FOXN3: variants seen among roughly 807,000 people sequenced by gnomAD.
The protein encoded by FOXN3 is forkhead box protein N3.
FOXN3 carries 7 observed loss-of-function variants against 38.4 expected under a neutral mutation model. The observed-to-expected ratio is 0.18, with a 90% CI of 0.10 to 0.34. The LOEUF (loss-of-function observed/expected upper bound fraction) is 0.34, where lower values mean the gene tolerates loss of function less well. FOXN3 is among the 10% of genes least tolerant of loss of function. The pLI, the probability that FOXN3 is intolerant of heterozygous loss-of-function variation, is 1.00. For synonymous variants in FOXN3, 230 were observed against 242.2 expected, an observed-to-expected ratio of 0.95 and a Z score of 0.47; for missense variants, 456 against 613.4, an observed-to-expected ratio of 0.74 and a Z score of 2.71.
At chr14:89,207,402 T>C (rs138324127) in intron 4 of FOXN3, among the ~76,000 whole-genome samples, 85 of 152,152 alleles carry the variant, frequency 5.6e-4, no homozygotes, top group African/African-American at 2.0e-3. Context: ...ATGGGATAAA[T>C]ACTAAGGAAC....
At chr14:89,401,444 C>G (rs989614982) in intron 2 of FOXN3, 4 of 381,434 alleles carry the variant, frequency 1.0e-5, no homozygotes, top group Non-Finnish European at 2.1e-5. Context: ...ACAACAACAA[C>G]AGTAGGTATT....
intron 4 of FOXN3, among the ~76,000 whole-genome samples, chr14:89,274,191 G>C (rs1471480021): frequency 6.6e-6 from 1 of 152,102 alleles, no homozygotes; most frequent in Non-Finnish European, 1.5e-5. Context: ...AGAGGTAAGG[G>C]GTGCCAGGAC....
rs547616268 is a variant in FOXN3, at chr14:89,159,489, CT to C, written c.*2924del. 7 of 152,758 alleles carry C rather than the reference CT, an allele frequency of 4.6e-5. No homozygotes were observed. The South Asian group carries it at 1.5e-3, about 32-fold the overall frequency. The allele number at this position is 152,758 out of a possible 1,614,324, so 9.5% of individuals were successfully genotyped here. A position where few individuals can be genotyped will look rare whatever the true frequency, so the allele number is the denominator to read the frequency against. On this transcript the variant is annotated 3_prime_UTR_variant, in exon 6 of 6. Transcript: ENST00000557258. ...GTTAAGAACACACTTTTATATTTCT[CT>C]ATTTCTCAAAGAGATCAGAAAAGTA...
chr14:89,373,914 C>T (rs917279129), intron 2 of FOXN3, among the ~76,000 whole-genome samples: 1 of 151,994 alleles, frequency 6.6e-6, no homozygotes, highest in African/African-American at 2.4e-5. Context: ...AGAACACTGA[C>T]AATACAAAGT....
chr14:89,439,287 C>T (rs1892330724), intron 1 of FOXN3, among the ~76,000 whole-genome samples: 1 of 152,188 alleles, frequency 6.6e-6, no homozygotes, highest in African/African-American at 2.4e-5. Flanking sequence ...GAGGCTGAGA[C>T]ATACTGAGCG....
chr14:89,227,889 G>A (rs1220215351), intron 4 of FOXN3, among the ~76,000 whole-genome samples: 5 of 152,104 alleles, frequency 3.3e-5, no homozygotes, highest in Admixed American at 6.5e-5. Flanking sequence ...CACGGAATTC[G>A]GCCAACAACC....
chr14:89,380,514 C>A (rs552912933), intron 2 of FOXN3, among the ~76,000 whole-genome samples: 4 of 152,336 alleles, frequency 2.6e-5, no homozygotes, highest in African/African-American at 9.6e-5. Context: ...ACATTTTGCA[C>A]AACTCAGAAA....
intron 1 of FOXN3, among the ~76,000 whole-genome samples, chr14:89,473,928 TA>T (rs796656315): frequency 1.1e-3 from 162 of 145,332 alleles, no homozygotes; most frequent in African/African-American, 1.4e-3. Flanking sequence ...TCTCCCACGC[TA>T]AAAAAAAAAA....
In FOXN3 at chr14:89,318,140, TTTTC is replaced by T. The variant is rs1342238315; in HGVS notation, c.680+32528_680+32531del. Among the ~76,000 whole-genome samples, 5 of 145,058 alleles carry T rather than the reference TTTTC, an allele frequency of 3.4e-5. No homozygotes were observed. The South Asian group carries it at 8.6e-4, about 25-fold the overall frequency. ...TCTTCCCTCCTTCCCTCCCTTTTTC[TTTTC>T]TTTCTTCTTCTTCTTCTCTTTTTTT... On this transcript the variant is annotated intron_variant, in intron 3 of 5. Coordinates refer to ENST00000557258, the MANE Select transcript of FOXN3 (RefSeq NM_005197.4).
In FOXN3 at chr14:89,162,193, T is replaced by C. The variant is rs539248302; in HGVS notation, c.*221A>G. ...TAAAACAGCTGAGTGTCAATATGAG[T>C]TCTATGGCTTCAATCTCCTTTAAAA... On this transcript the variant is annotated 3_prime_UTR_variant, in exon 6 of 6. Coordinates refer to ENST00000557258, the MANE Select transcript of FOXN3 (RefSeq NM_005197.4). The surrounding 1 kb of genome is among the most constrained non-coding windows in gnomAD (Gnocchi z 7.2). The C allele has an allele frequency of 7.1e-6, 3 of 422,102 alleles. No individual in the cohort carries two copies. The highest frequency in any genetic ancestry group is 1.2e-5 in the Non-Finnish European group (3 of 240,820). 26.1% of individuals were successfully genotyped at this position (422,102 alleles called of 1,614,324 possible). A position where few individuals can be genotyped will look rare whatever the true frequency, so the allele number is the denominator to read the frequency against.
intron 4 of FOXN3, among the ~76,000 whole-genome samples, chr14:89,189,254 C>A (rs2139806103): frequency 6.6e-6 from 1 of 152,246 alleles, no homozygotes; most frequent in South Asian, 2.1e-4. Context: ...ACAAAAGGCA[C>A]CTGTTTTGGG....
At chr14:89,365,320 T>C (rs916846903) in intron 2 of FOXN3, among the ~76,000 whole-genome samples, 15 of 152,200 alleles carry the variant, frequency 9.9e-5, no homozygotes, top group African/African-American at 3.1e-4. Flanking sequence ...TACACTATTG[T>C]TTCCCAAGTG....
At chr14:89,174,946 A>G (rs1299827544) in intron 5 of FOXN3, among the ~76,000 whole-genome samples, 2 of 152,210 alleles carry the variant, frequency 1.3e-5, no homozygotes, top group African/African-American at 4.8e-5. Flanking sequence ...AAAATACAAC[A>G]CTAGAAAAGA....
intron 1 of FOXN3, among the ~76,000 whole-genome samples, chr14:89,600,442 T>C (rs1896133645): frequency 6.6e-6 from 1 of 152,226 alleles, no homozygotes. Flanking sequence ...ATTCCACTGT[T>C]GTTTGTAGGG....
intron 1 of FOXN3, among the ~76,000 whole-genome samples, chr14:89,558,879 G>A (rs1338877389): frequency 2.0e-5 from 3 of 152,176 alleles, no homozygotes; most frequent in Non-Finnish European, 4.4e-5. Context: ...TGACTGAGAC[G>A]CTTAGTGCAT....
At chr14:89,487,304 C>T (rs375281225) in intron 1 of FOXN3, among the ~76,000 whole-genome samples, 3 of 152,184 alleles carry the variant, frequency 2.0e-5, no homozygotes, top group Non-Finnish European at 4.4e-5. Flanking sequence ...AACAAATCAA[C>T]GAACTCTCTA....
At chr14:89,495,908 A>G (rs1056526663) in intron 1 of FOXN3, among the ~76,000 whole-genome samples, 1 of 152,160 alleles carries the variant, frequency 6.6e-6, no homozygotes, top group African/African-American at 2.4e-5. Context: ...GATGTTCTCT[A>G]TAGGGGCCGT....
intron 1 of FOXN3, among the ~76,000 whole-genome samples, chr14:89,578,532 G>C (rs1234956353): frequency 1.3e-5 from 2 of 152,106 alleles, no homozygotes; most frequent in African/African-American, 4.8e-5. Context: ...TCAAACTTAG[G>C]CTGACCGACA....
intron 1 of FOXN3, among the ~76,000 whole-genome samples, chr14:89,594,276 G>A (rs1419757451): frequency 6.6e-6 from 1 of 152,166 alleles, no homozygotes; most frequent in African/African-American, 2.4e-5. Flanking sequence ...TCTTTTATTA[G>A]GTAATGCTGA....
Sources: gnomAD v4.1 joint callset for allele counts (sites outside exome capture counted in the v4.1 genomes callset) on GRCh38, gnomAD v4.1.1 for gene constraint, Gnocchi (gnomAD v3.1) non-coding constraint, MANE v1.5 for transcripts, NCBI Gene and HGNC (gene_info 2026-07-23, HGNC 2026-07-21) for gene names.